Variants in MS4A1 observed in about 807,000 individuals in gnomAD.
MS4A1 encodes the protein B-lymphocyte antigen CD20.
Under a neutral mutation model 26.5 loss-of-function variants are expected in MS4A1, and 16 were observed. The ratio of observed to expected loss-of-function variants is 0.60; its 90% CI spans 0.41 to 0.92. The LOEUF (loss-of-function observed/expected upper bound fraction) is 0.92. MS4A1 is among the 40% of genes least tolerant of loss of function. The pLI, the probability that MS4A1 is intolerant of heterozygous loss-of-function variation, is 0.00. For synonymous variants in MS4A1, 128 were observed against 117.6 expected, an observed-to-expected ratio of 1.09 and a Z score of -0.57; for missense variants, 350 against 353.0, an observed-to-expected ratio of 0.99 and a Z score of 0.07.
chr11:60,464,580 T>G (rs1191777752), intron 5 of MS4A1, among the ~76,000 whole-genome samples: 1 of 152,174 alleles, frequency 6.6e-6, no homozygotes, highest in African/African-American at 2.4e-5. Context: ...CCTACAGTCT[T>G]AAGAACGTTA....
intron 1 of MS4A1, among the ~76,000 whole-genome samples, chr11:60,459,399 A>G (rs557048491): frequency 7.2e-5 from 11 of 152,348 alleles, no homozygotes; most frequent in African/African-American, 2.4e-4. Flanking sequence ...GTAAACAACT[A>G]TAATTATCTG....
At chr11:60,457,422 G>A (rs1486316314) in intron 1 of MS4A1, among the ~76,000 whole-genome samples, 4 of 152,180 alleles carry the variant, frequency 2.6e-5, no homozygotes, top group African/African-American at 9.7e-5. Context: ...GTGATCGGGA[G>A]CTTGATGTAG....
chr11:60,468,303 A>G lies in MS4A1; in HGVS notation c.729A>G (p.Lys243=), dbSNP rs1260529800. The part of the protein sequence containing the change: ...EEKKEQTIEI[K]EEVVGLTETS... ...AAAAAGAACAGACTATTGAAATAAA[A>G]GAAGAAGTGGTTGGGCTAACTGAAA... is the stretch of plus-strand genomic sequence containing the variant. Residue 243 remains lysine (K), a synonymous_variant, in exon 8 of 8, where the codon AAA becomes AAG. Coordinates refer to ENST00000345732, the MANE Select transcript of MS4A1 (RefSeq NM_152866.3). The G allele has an allele frequency of 1.9e-6, 3 of 1,613,880 alleles. No individual in the cohort carries two copies. The highest frequency in any genetic ancestry group is 2.5e-6 in the Non-Finnish European group (3 of 1,179,872).
chr11:60,460,259 C>A (rs1034547209), intron 1 of MS4A1, among the ~76,000 whole-genome samples: 1 of 152,126 alleles, frequency 6.6e-6, no homozygotes, highest in Admixed American at 6.5e-5. Flanking sequence ...AACAAACAAA[C>A]AAACAAAAAA....
chr11:60,461,371 T>C (rs79565255), intron 2 of MS4A1, among the ~76,000 whole-genome samples: 8,590 of 151,648 alleles, frequency 0.057, 403 homozygotes, highest in South Asian at 0.17. Context: ...AGAATTATTA[T>C]TATTTCAATT....
chr11:60,458,793 C>T (rs1209572815), intron 1 of MS4A1, among the ~76,000 whole-genome samples: 1 of 152,068 alleles, frequency 6.6e-6, no homozygotes, highest in Non-Finnish European at 1.5e-5. Context: ...ATATTTACCT[C>T]TCATATATGA....
Position 60,468,358 on chromosome 11 carries a change from A to G in MS4A1, c.784A>G (p.Ile262Val), listed in dbSNP as rs777874424. 5 of 1,614,146 alleles carry G rather than the reference A, an allele frequency of 3.1e-6. No homozygotes were observed. Among genetic ancestry groups the G allele is most frequent in the Non-Finnish European group, 8.5e-7 (1 of 1,179,988 alleles). ...TTCCCAACCAAAGAATGAAGAAGAC[A>G]TTGAAATTATTCCAATCCAAGAAGA... ...TSSQPKNEED[I>V]EIIPIQEEEE... Residue 262 changes from isoleucine to valine, a missense_variant, in exon 8 of 8, where the codon ATT (isoleucine) becomes GTT (valine). Physicochemically the swap from Ile to Val is conservative, Grantham distance 29 (BLOSUM62 3). Coordinates refer to ENST00000345732, the MANE Select transcript of MS4A1 (RefSeq NM_152866.3).
intron 1 of MS4A1, among the ~76,000 whole-genome samples, chr11:60,460,161 A>AC (rs2086236673): frequency 6.6e-6 from 1 of 152,114 alleles, no homozygotes; most frequent in Non-Finnish European, 1.5e-5. Context: ...CAGAAGGATC[A>AC]CCTGAGCCCA....
chr11:60,465,908 G>A lies in MS4A1; in HGVS notation c.337-13G>A. 1 of 1,590,272 alleles carries A rather than the reference G, an allele frequency of 6.3e-7. No individual in the cohort carries two copies. The highest frequency in any genetic ancestry group is 1.1e-5 in the South Asian group (1 of 90,574). ...AATCAAACCCAATTAATAAATCTGT[G>A]TCTCCATTTCAGGTCAAAGGAAAAA... On this transcript the variant is annotated splice_polypyrimidine_tract_variant and intron_variant, in intron 5 of 7. Transcript: ENST00000345732.
intron 1 of MS4A1, among the ~76,000 whole-genome samples, chr11:60,456,305 T>G (rs2086203003): frequency 6.6e-6 from 1 of 152,176 alleles, no homozygotes. Flanking sequence ...AAGCCTCAGC[T>G]TCCTCATCTA....
chr11:60,462,532 G>A lies in MS4A1; in HGVS notation c.158G>A (p.Gly53Glu), dbSNP rs1210730619. 2.5e-6 allele frequency: 4 copies of A among 1,614,130 alleles called. No homozygotes were observed. The highest frequency in any genetic ancestry group is 1.7e-5 in the Admixed American group (1 of 60,016). ...TTCATGAGGGAATCTAAGACTTTGG[G>A]GGTAAGTCAGTTGCCTTCCATCCCA... ...SFFMRESKTL[G>E]AVQIMNGLFH... Residue 53 changes from glycine (G) to glutamate (E), a missense_variant and splice_region_variant, in exon 3 of 8, where the codon GGG (glycine) becomes GAG (glutamate). Coordinates refer to ENST00000345732, the MANE Select transcript of MS4A1 (RefSeq NM_152866.3).
Position 60,462,245 on chromosome 11 carries a change from CA to C in MS4A1, c.-128del. Reference sequence around the variant, plus strand: ...ACTCGGAAGAGGCCATGTCTACCCTCAATGACACTCATGGAGGAAATGCTGA... The same window carrying C: ...ACTCGGAAGAGGCCATGTCTACCCTCATGACACTCATGGAGGAAATGCTGA... On this transcript the variant is annotated 5_prime_UTR_variant, in exon 3 of 8. In the 5' UTR this introduces an upstream ATG that the reference lacks. Coordinates refer to ENST00000345732, the MANE Select transcript of MS4A1 (RefSeq NM_152866.3). The C allele has an allele frequency of 1.0e-6, 1 of 993,982 alleles. No individual in the cohort carries two copies. Among genetic ancestry groups the C allele is most frequent in the Non-Finnish European group, 1.6e-6 (1 of 638,504 alleles). The allele number at this position is 993,982 out of a possible 1,614,324, so 61.6% of individuals were successfully genotyped here. A position where few individuals can be genotyped will look rare whatever the true frequency, so the allele number is the denominator to read the frequency against.
chr11:60,464,443 C>G (rs1214137276), intron 5 of MS4A1, 99 bp downstream of exon 5: 1 of 1,035,178 alleles, frequency 9.7e-7, no homozygotes, highest in African/African-American at 1.6e-5. Context: ...ATCACAGCCT[C>G]TCAGCCCTAA....
At chr11:60,459,856 G>A (rs1381619402) in intron 1 of MS4A1, among the ~76,000 whole-genome samples, 1 of 152,188 alleles carries the variant, frequency 6.6e-6, no homozygotes, top group Non-Finnish European at 1.5e-5. Flanking sequence ...GGAGAAAAGA[G>A]GGGTCATAAG....
intron 4 of MS4A1, among the ~76,000 whole-genome samples, chr11:60,463,375 A>G (rs1357165925): frequency 6.6e-6 from 1 of 151,984 alleles, no homozygotes; most frequent in Non-Finnish European, 1.5e-5. Context: ...CAAAGCAAGA[A>G]CTCTCCAAAG....
chr11:60,466,903 C>T, intron 6 of MS4A1, 56 bp from the exon 7 acceptor site: 1 of 1,506,540 alleles, frequency 6.6e-7, no homozygotes, highest in East Asian at 2.3e-5. Flanking sequence ...TGAACACCAA[C>T]AATGTTCTTT....
chr11:60,461,391 A>T (rs903280898), intron 2 of MS4A1, among the ~76,000 whole-genome samples: 1 of 151,560 alleles, frequency 6.6e-6, no homozygotes, highest in Non-Finnish European at 1.5e-5. Flanking sequence ...TTTACAGTTG[A>T]ACCTGAGGCC....
In MS4A1 at chr11:60,465,999, CTTAATA is replaced by C. The variant is rs2086287951; in HGVS notation, c.420_425del (p.Asn140_Ile141del). On this transcript the variant is annotated inframe_deletion, in exon 6 of 8. Transcript: ENST00000345732. ...AATGATTCTTTCAATCATGGACATA[CTTAATA>C]TTAAAATTTCCCATTTTTTAAAAAT... The C allele has an allele frequency of 3.1e-6, 5 of 1,613,766 alleles. No homozygotes were observed. In the East Asian group the frequency reaches 8.9e-5, roughly 29 times the overall value.
Position 60,467,029 on chromosome 11 carries a change from A to G in MS4A1, c.644A>G (p.Glu215Gly). ...ELVIAGIVENEWKRTCSRPKS... is the reference protein window; with the variant it reads ...ELVIAGIVENGWKRTCSRPKS... ...GTAATAGCTGGCATCGTTGAGAATG[A>G]ATGGAAAAGAACGTGCTCCAGACCC... The change falls in exon 7 of 8, where the codon GAA (glutamate) becomes GGA (glycine). Residue 215 changes from glutamate (E) to glycine (G), a missense_variant. By Grantham distance (98) the Glu-to-Gly change is moderately conservative. Transcript: ENST00000345732. The G allele has an allele frequency of 6.2e-7, 1 of 1,614,142 alleles. No individual in the cohort carries two copies. Among genetic ancestry groups the G allele is most frequent in the Non-Finnish European group, 8.5e-7 (1 of 1,180,002 alleles).
Sources: gnomAD v4.1 joint callset for allele counts (sites outside exome capture counted in the v4.1 genomes callset) on GRCh38, gnomAD v4.1.1 for gene constraint, MANE v1.5 for transcripts, NCBI Gene and HGNC (gene_info 2026-07-23, HGNC 2026-07-21) for gene names.